SLC22A25: variants seen among roughly 807,000 people sequenced by gnomAD.
SLC22A25 encodes solute carrier family 22 member 25, also known as MGI:2442751, MGI:2385316, MGI:3042283, MGI:3645714, MGI:3605624, MGI:2442750.
SLC22A25 carries 44 observed loss-of-function variants against 45.9 expected under a neutral mutation model. The observed-to-expected ratio is 0.96, with a 90% CI of 0.75 to 1.23. SLC22A25 has a LOEUF of 1.23. SLC22A25 is among the 50% of genes most tolerant of loss of function. The probability of loss-of-function intolerance (pLI) is 0.00; values close to 1 mark genes in which losing one functional copy is unlikely to be tolerated. For synonymous variants in SLC22A25, 283 were observed against 238.6 expected, an observed-to-expected ratio of 1.19 and a Z score of -1.72; for missense variants, 800 against 666.4, an observed-to-expected ratio of 1.20 and a Z score of -2.21.
At chr11:63,207,163 A>G (rs187736238) in intron 7 of SLC22A25, among the ~76,000 whole-genome samples, 6 of 152,144 alleles carry the variant, frequency 3.9e-5, no homozygotes, top group East Asian at 3.9e-4. Flanking sequence ...AGGCATAAAA[A>G]CCCTAGAAGA....
At chr11:63,188,470 A>G (rs2088655410) in intron 7 of SLC22A25, among the ~76,000 whole-genome samples, 2 of 151,842 alleles carry the variant, frequency 1.3e-5, no homozygotes, top group African/African-American at 4.8e-5. Flanking sequence ...CGGTCTATCT[A>G]TTTTGTTGCT....
chr11:63,219,077 T>C (rs1056020913), intron 5 of SLC22A25, among the ~76,000 whole-genome samples: 5 of 152,226 alleles, frequency 3.3e-5, no homozygotes, highest in Non-Finnish European at 5.9e-5. Context: ...ATTACCTTCA[T>C]ATATAGTAGC....
At position 63,158,455 on chromosome 11, in the gene SLC22A25, A is replaced by C. The variant is rs569435489; in HGVS notation, c.*5369T>G. On this transcript the variant is annotated 3_prime_UTR_variant, in exon 12 of 12. Transcript: ENST00000306494. ...ACAAATATATATTTTAAAATGTTTT[A>C]TTTTTAATTTTTGTGGCTACATAGT... 6.6e-6 allele frequency among the ~76,000 whole-genome samples: 1 copy of C among 152,256 alleles called. No homozygotes were observed. The highest frequency in any genetic ancestry group is 1.9e-4 in the East Asian group (1 of 5,190).
chr11:63,209,926 A>G (rs945434404), intron 7 of SLC22A25, among the ~76,000 whole-genome samples: 1 of 152,196 alleles, frequency 6.6e-6, no homozygotes, highest in Non-Finnish European at 1.5e-5. Context: ...TTCACTGTGG[A>G]GCAATACCCA....
chr11:63,200,307 A>G (rs2089199216), intron 7 of SLC22A25, among the ~76,000 whole-genome samples: 1 of 149,536 alleles, frequency 6.7e-6, no homozygotes, highest in Non-Finnish European at 1.5e-5. Context: ...CTTATCCAGC[A>G]TGATCTAGTA....
chr11:63,175,169 T>C (rs1477297554), intron 9 of SLC22A25, among the ~76,000 whole-genome samples: 1 of 152,168 alleles, frequency 6.6e-6, no homozygotes, highest in Non-Finnish European at 1.5e-5. Context: ...TGGTGAATCA[T>C]ATGGTAGTCC....
At chr11:63,172,189 C>T (rs377052526) in intron 9 of SLC22A25, among the ~76,000 whole-genome samples, 104 of 152,114 alleles carry the variant, frequency 6.8e-4, no homozygotes, top group African/African-American at 2.4e-3. Flanking sequence ...AACCATAAAA[C>T]CCCTAGAAGA....
In SLC22A25 at chr11:63,209,007, A is replaced by T. The variant is rs1590869858; in HGVS notation, c.830+8307T>A. On this transcript the variant is annotated intron_variant, in intron 7 of 11. Coordinates refer to ENST00000306494, the MANE Select transcript of SLC22A25 (RefSeq NM_199352.6). ...TAAAGTATTTAAAAAAAGGATTTAGAGGTGATTATGGCATGAAACTGGATG... is the reference window on the plus strand; with the variant it reads ...TAAAGTATTTAAAAAAAGGATTTAGTGGTGATTATGGCATGAAACTGGATG... 2.0e-5 allele frequency among the ~76,000 whole-genome samples: 3 copies of T among 152,274 alleles called. No individual in the cohort carries two copies. In the Middle Eastern group the frequency reaches 0.01, roughly 518 times the overall value.
Position 63,163,638 on chromosome 11 carries a change from C to G in SLC22A25, c.*186G>C, listed in dbSNP as rs1375887207. On this transcript the variant is annotated 3_prime_UTR_variant, in exon 12 of 12. Transcript: ENST00000306494. The stretch of plus-strand genomic sequence containing the variant: ...TTTGGTCTTTTCACCACAAATTAAC[C>G]TCCTGGACAGGCTGGGCAGAGATGG... The G allele has an allele frequency of 1.2e-6, 1 of 854,490 alleles. No individual in the cohort carries two copies. The highest frequency in any genetic ancestry group is 2.8e-5 in the Admixed American group (1 of 35,120). The allele number at this position is 854,490 out of a possible 1,614,324, so 52.9% of individuals were successfully genotyped here.
intron 7 of SLC22A25, among the ~76,000 whole-genome samples, chr11:63,193,012 C>T (rs1338828797): frequency 6.6e-6 from 1 of 152,174 alleles, no homozygotes; most frequent in Non-Finnish European, 1.5e-5. Flanking sequence ...AACTCTCCAC[C>T]CAAACCAATA....
chr11:63,206,826 AATGTT>A (rs1459634682), intron 7 of SLC22A25, among the ~76,000 whole-genome samples: 4 of 152,246 alleles, frequency 2.6e-5, no homozygotes, highest in Non-Finnish European at 2.9e-5. Context: ...TAGCCAAGGC[AATGTT>A]AAGCAAAAAG....
At chr11:63,236,917 A>G (rs1270156436) in intron 3 of SLC22A25, among the ~76,000 whole-genome samples, 1 of 152,162 alleles carries the variant, frequency 6.6e-6, no homozygotes, top group Non-Finnish European at 1.5e-5. Flanking sequence ...GCTCCCTTGT[A>G]TCCAGCATAG....
Position 63,161,587 on chromosome 11 carries a change from G to T in SLC22A25, c.*2237C>A, listed in dbSNP as rs1453052393. 6.6e-6 allele frequency among the ~76,000 whole-genome samples: 1 copy of T among 152,096 alleles called. No individual in the cohort carries two copies. Among genetic ancestry groups the T allele is most frequent in the Admixed American group, 6.5e-5 (1 of 15,270 alleles). ...TGAATAAATCTCACATGATCTGATG[G>T]TTTTATAAAAGGGAGTTTCCCTGCA... On this transcript the variant is annotated 3_prime_UTR_variant, in exon 12 of 12. Coordinates refer to ENST00000306494, the MANE Select transcript of SLC22A25 (RefSeq NM_199352.6).
rs531158146 is a variant in SLC22A25 at position 63,238,725 on chromosome 11, G to A, written c.-585C>T. The A allele has an allele frequency of 1.7e-4, 35 of 202,562 alleles. No homozygotes were observed. Among genetic ancestry groups the A allele is most frequent in the Non-Finnish European group, 2.7e-4 (24 of 89,820 alleles). The allele number at this position is 202,562 out of a possible 1,614,324, so 12.5% of individuals were successfully genotyped here. On this transcript the variant is annotated 5_prime_UTR_variant, in exon 2 of 12. Coordinates refer to ENST00000306494, the MANE Select transcript of SLC22A25 (RefSeq NM_199352.6). ...AAATTGGGGCCTCTTACCCAGTCAC[G>A]ATGGTGGAGAGGAAGGAGCTTCTGT... is the stretch of plus-strand genomic sequence containing the variant.
chr11:63,179,181 TCCTGACCTCAGGTGATCCG>T (rs2088227285), intron 9 of SLC22A25, among the ~76,000 whole-genome samples: 1 of 152,104 alleles, frequency 6.6e-6, no homozygotes, highest in South Asian at 2.1e-4. Flanking sequence ...GGTCTTGAAC[TCCTGACCTCAGGTGATCCG>T]CCTGCCTCAG....
intron 1 of SLC22A25, among the ~76,000 whole-genome samples, chr11:63,239,511 T>C (rs1390990338): frequency 1.3e-5 from 2 of 152,212 alleles, no homozygotes; most frequent in African/African-American, 4.8e-5. Flanking sequence ...GAATGTGTAA[T>C]TTGTGACAAT....
At chr11:63,211,321 G>A (rs1430085697) in intron 7 of SLC22A25, among the ~76,000 whole-genome samples, 1 of 152,172 alleles carries the variant, frequency 6.6e-6, no homozygotes, top group African/African-American at 2.4e-5. Flanking sequence ...CCATGAGCAA[G>A]CCAAAAGGTG....
intron 7 of SLC22A25, among the ~76,000 whole-genome samples, chr11:63,215,162 G>A (rs1042541436): frequency 1.3e-5 from 2 of 152,144 alleles, no homozygotes; most frequent in African/African-American, 4.8e-5. Flanking sequence ...ATTCACAATA[G>A]CAAAGACTTA....
rs370836241 is a variant in SLC22A25 at position 63,243,573 on chromosome 11, C to A, written c.-1135G>T. The stretch of plus-strand genomic sequence containing the variant: ...AAGCTGTGCATTTATACCGACAACT[C>A]CATCAAGCCTCAGGAGCTGCTGGAG... On this transcript the variant is annotated 5_prime_UTR_variant, in exon 1 of 12. The change creates a premature stop within an existing upstream ORF in the 5' untranslated region. Transcript: ENST00000306494. 5 of 764,236 alleles carry A rather than the reference C, an allele frequency of 6.5e-6. No homozygotes were observed. In the Admixed American group the frequency reaches 6.9e-5, roughly 11 times the overall value. 47.3% of individuals were successfully genotyped at this position (764,236 alleles called of 1,614,324 possible). A position where few individuals can be genotyped will look rare whatever the true frequency, so the allele number is the denominator to read the frequency against.
Sources: allele counts gnomAD v4.1 joint callset (sites outside exome capture counted in the v4.1 genomes callset), GRCh38; gene constraint gnomAD v4.1.1; transcripts MANE v1.5; gene names NCBI Gene and HGNC (gene_info 2026-07-23, HGNC 2026-07-21).